The following CHLSN variants were observed in gnomAD, a reference collection of about 807,000 sequenced individuals.
CHLSN encodes protein cholesin.
At chr7:996,559 T>A in the CHLSN span, among the ~76,000 whole-genome samples, 2 of 152,220 alleles carry the variant, frequency 1.3e-5, no homozygotes, top group African/African-American at 4.8e-5. Context: ...CCGGAGCCAC[T>A]GGCCTCAGCC....
chr7:1,065,020 C>G, the CHLSN span, among the ~76,000 whole-genome samples: 6 of 152,186 alleles, frequency 3.9e-5, no homozygotes, highest in South Asian at 6.2e-4. Context: ...TCACAGGACG[C>G]TTTCTGCAGA....
the CHLSN span, among the ~76,000 whole-genome samples, chr7:1,048,743 C>T: frequency 4.9e-4 from 74 of 152,300 alleles, no homozygotes; most frequent in South Asian, 0.015. Context: ...GGGGTCCTGT[C>T]GCCCCTGTCC....
the CHLSN span, chr7:987,329 G>T: frequency 2.0e-4 from 311 of 1,560,606 alleles, 5 homozygotes; most frequent in South Asian, 3.3e-3. Context: ...CACCCAAGCG[G>T]CCCACCCTTT....
At chr7:1,027,776 G>A in the CHLSN span, among the ~76,000 whole-genome samples, 1 of 152,260 alleles carries the variant, frequency 6.6e-6, no homozygotes, top group Non-Finnish European at 1.5e-5. Context: ...GGGGCGAGGC[G>A]GCGCTGCGGG....
At chr7:1,040,987 C>T in the CHLSN span, among the ~76,000 whole-genome samples, 2 of 152,368 alleles carry the variant, frequency 1.3e-5, no homozygotes, top group African/African-American at 2.4e-5. Context: ...GGGGTCAACC[C>T]GAAGCCAGAG....
chr7:1,093,131 A>G, the CHLSN span: 183 of 633,294 alleles, frequency 2.9e-4, 1 homozygote, highest in East Asian at 5.8e-3. Flanking sequence ...CCTGTCACCC[A>G]GCTCCTCCCC....
chr7:1,120,544 G>A, the CHLSN span, among the ~76,000 whole-genome samples: 7 of 152,036 alleles, frequency 4.6e-5, no homozygotes, highest in Non-Finnish European at 7.4e-5. Flanking sequence ...CTTCTGCCTC[G>A]GCCTCCCAAA....
chr7:1,058,736 G>A, the CHLSN span: 37,030 of 576,682 alleles, frequency 0.064, 1,396 homozygotes, highest in Middle Eastern at 0.12. Context: ...AGGCCTGTGC[G>A]TCTCCCAAAC....
At chr7:1,057,620 G>A in the CHLSN span, 4 of 769,760 alleles carry the variant, frequency 5.2e-6, no homozygotes, top group Non-Finnish European at 9.6e-6. Context: ...TGGGCCTGGT[G>A]GTGGGCGTGC....
At chr7:1,019,967 G>A in the CHLSN span, among the ~76,000 whole-genome samples, 1 of 152,356 alleles carries the variant, frequency 6.6e-6, no homozygotes, top group South Asian at 2.1e-4. Flanking sequence ...ACCTGGACGA[G>A]GGCAGCTTAG....
chr7:1,133,123 AC>A, the CHLSN span, among the ~76,000 whole-genome samples: 1 of 152,158 alleles, frequency 6.6e-6, no homozygotes, highest in Non-Finnish European at 1.5e-5. Context: ...TGGGATACTG[AC>A]ATGTGCCACA....
At chr7:1,059,476 G>A in the CHLSN span, among the ~76,000 whole-genome samples, 311 of 152,094 alleles carry the variant, frequency 2.0e-3, no homozygotes, top group Middle Eastern at 0.014. Context: ...TCTGCAGTGA[G>A]GAGGGTCCAT....
the CHLSN span, among the ~76,000 whole-genome samples, chr7:1,115,369 G>C: frequency 6.6e-6 from 1 of 152,200 alleles, no homozygotes; most frequent in Non-Finnish European, 1.5e-5. Flanking sequence ...CGCCCTCACC[G>C]GGCGCCAGGG....
the CHLSN span, among the ~76,000 whole-genome samples, chr7:1,033,158 C>T: frequency 6.6e-5 from 10 of 152,196 alleles, no homozygotes; most frequent in African/African-American, 2.4e-4. Context: ...TAATATCCCT[C>T]ATAAATACAG....
the CHLSN span, among the ~76,000 whole-genome samples, chr7:1,136,445 T>TATATATAAACATATATATAA: frequency 8.5e-6 from 1 of 118,318 alleles, no homozygotes; most frequent in African/African-American, 3.7e-5. Context: ...TATATATAAA[T>TATATATAAACATATATATAA]ATATATAAAC....
At chr7:995,274 T>C in the CHLSN span, among the ~76,000 whole-genome samples, 1 of 152,206 alleles carries the variant, frequency 6.6e-6, no homozygotes, top group Admixed American at 6.5e-5. Context: ...TGCGCCACCC[T>C]TCGGCATCTT....
At chr7:1,023,893 T>C in the CHLSN span, among the ~76,000 whole-genome samples, 5 of 152,178 alleles carry the variant, frequency 3.3e-5, no homozygotes, top group African/African-American at 1.2e-4. The surrounding 1 kb of genome is among the most constrained non-coding windows in gnomAD (Gnocchi z 5.0). Context: ...CAGGCTGGAC[T>C]GCAGCGGCAC....
At chr7:1,007,364 G>T in the CHLSN span, among the ~76,000 whole-genome samples, 6 of 152,224 alleles carry the variant, frequency 3.9e-5, no homozygotes, top group Non-Finnish European at 8.8e-5. Flanking sequence ...CGCTGCCCCT[G>T]GGCTGGGGGC....
the CHLSN span, among the ~76,000 whole-genome samples, chr7:1,048,789 A>G: frequency 6.6e-6 from 1 of 152,156 alleles, no homozygotes; most frequent in Non-Finnish European, 1.5e-5. Context: ...ACAGCCGCAC[A>G]TGGGCTCCAG....
Sources: gnomAD v4.1 joint callset for allele counts (sites outside exome capture counted in the v4.1 genomes callset) on GRCh38, gnomAD v4.1.1 for gene constraint, Gnocchi (gnomAD v3.1) non-coding constraint, MANE v1.5 for transcripts, NCBI Gene and HGNC (gene_info 2026-07-23, HGNC 2026-07-21) for gene names.